Variants in VAC14 observed in about 807,000 individuals in gnomAD.
VAC14 encodes protein VAC14 homolog.
A neutral mutation model predicts 85.3 loss-of-function variants in VAC14; 47 were observed. The ratio of observed to expected loss-of-function variants is 0.55; its 90% CI spans 0.44 to 0.70. VAC14 has a LOEUF of 0.70. Ranked by LOEUF, VAC14 falls within the 30% of genes least tolerant of loss-of-function variation. VAC14 has a pLI of 0.00. For synonymous variants in VAC14, 447 were observed against 430.5 expected (o/e 1.04, Z -0.47); for missense variants, 861 against 1,004.3 (o/e 0.86, Z 1.93).
chr16:70,795,927 A>G (rs1261987539), intron 1 of VAC14, among the ~76,000 whole-genome samples: 3 of 152,194 alleles, frequency 2.0e-5, no homozygotes, highest in Non-Finnish European at 2.9e-5. Flanking sequence ...GATGCCTGGC[A>G]GAGCGAGCAC....
chr16:70,732,859 A>G (rs1009610840), intron 13 of VAC14, among the ~76,000 whole-genome samples: 2 of 151,878 alleles, frequency 1.3e-5, no homozygotes, highest in Admixed American at 1.3e-4. Flanking sequence ...ATGTTGGCCA[A>G]GCTGGTCTCG....
intron 12 of VAC14, among the ~76,000 whole-genome samples, chr16:70,753,936 C>T (rs1163223242): frequency 6.6e-6 from 1 of 152,148 alleles, no homozygotes; most frequent in African/African-American, 2.4e-5. Context: ...TCCTCCTACC[C>T]CAGAGGCCCT....
chr16:70,796,643 C>T (rs1055675839), intron 1 of VAC14, among the ~76,000 whole-genome samples: 3 of 152,158 alleles, frequency 2.0e-5, no homozygotes, highest in Non-Finnish European at 2.9e-5. Flanking sequence ...CATAGGGCAG[C>T]GATGCAAAAT....
rs369993334 is a variant in VAC14, at chr16:70,695,590, T to G, written c.1989A>C (p.Ala663=). ...GDLEVTVDFL[A]EVDKLVQLIE... ...TCAGCTGCACCAGCTTGTCCACCTC[T>G]GCGAGGAAGTCCACGGTGACCTCCA... Residue 663 remains alanine, a synonymous_variant, in exon 17 of 19, where the codon GCA becomes GCC. Coordinates refer to ENST00000261776, the MANE Select transcript of VAC14 (RefSeq NM_018052.5). 20 of 1,613,796 alleles carry G rather than the reference T, an allele frequency of 1.2e-5. No homozygotes were observed. The highest frequency in any genetic ancestry group is 1.7e-5 in the Non-Finnish European group (20 of 1,179,962).
At chr16:70,757,239 G>A (rs375860083) in intron 12 of VAC14, among the ~76,000 whole-genome samples, 33 of 152,304 alleles carry the variant, frequency 2.2e-4, no homozygotes, top group African/African-American at 5.3e-4. Flanking sequence ...TTGCCTTCTC[G>A]ATCTCAAAGG....
At chr16:70,705,345 A>G (rs2053901148) in intron 14 of VAC14, among the ~76,000 whole-genome samples, 1 of 152,256 alleles carries the variant, frequency 6.6e-6, no homozygotes, top group Non-Finnish European at 1.5e-5. Context: ...CCGAGGGCCC[A>G]GGAATGCCCT....
chr16:70,771,319 C>T (rs1045988882), intron 10 of VAC14: 12 of 152,246 alleles, frequency 7.9e-5, no homozygotes, highest in African/African-American at 2.4e-4. Context: ...GACAACAGCT[C>T]CTGGGGCCGG....
chr16:70,765,717 C>T (rs538466225), intron 10 of VAC14, among the ~76,000 whole-genome samples: 2 of 152,322 alleles, frequency 1.3e-5, no homozygotes, highest in East Asian at 1.9e-4. Context: ...ATCGCCTCCA[C>T]TGTATCCTGG....
chr16:70,787,819 C>A (rs1421918023), intron 1 of VAC14, among the ~76,000 whole-genome samples: 1 of 152,190 alleles, frequency 6.6e-6, no homozygotes, highest in Non-Finnish European at 1.5e-5. Flanking sequence ...GCGGGATGGG[C>A]TGCTGGTGGT....
At chr16:70,770,847 GTGGTACA>G in intron 10 of VAC14, 1 of 152,346 alleles carries the variant, frequency 6.6e-6, no homozygotes, top group African/African-American at 2.4e-5. Flanking sequence ...GGGACTCCTA[GTGGTACA>G]TTTCATAAAC....
intron 18 of VAC14, chr16:70,690,231 G>A: frequency 1.0e-6 from 1 of 985,468 alleles, no homozygotes; most frequent in South Asian, 4.7e-5. Context: ...CCTGGCCTGA[G>A]ATCTTGGGAG....
At chr16:70,701,042 G>C (rs2053816150) in intron 14 of VAC14, among the ~76,000 whole-genome samples, 1 of 152,186 alleles carries the variant, frequency 6.6e-6, no homozygotes. Context: ...TCCCAGAGAA[G>C]CTGGGGAATG....
chr16:70,688,266 A>G, intron 18 of VAC14, 176 bp from the exon 19 acceptor site: 1 of 1,246,896 alleles, frequency 8.0e-7, no homozygotes, highest in Non-Finnish European at 1.0e-6. Flanking sequence ...GAAGCCCCTG[A>G]GCATCCCCCT....
At chr16:70,727,049 C>T (rs935951896) in intron 14 of VAC14, among the ~76,000 whole-genome samples, 14 of 152,228 alleles carry the variant, frequency 9.2e-5, no homozygotes, top group South Asian at 4.1e-4. Flanking sequence ...CAAGAACCCC[C>T]ACCAGATGTG....
At chr16:70,721,038 G>GA (rs1287103908) in intron 14 of VAC14, among the ~76,000 whole-genome samples, 1 of 152,240 alleles carries the variant, frequency 6.6e-6, no homozygotes, top group Non-Finnish European at 1.5e-5. Context: ...TAAGCCAGGG[G>GA]AAAAACACAT....
intron 12 of VAC14, among the ~76,000 whole-genome samples, chr16:70,751,259 C>T (rs1470067377): frequency 6.6e-6 from 1 of 152,220 alleles, no homozygotes; most frequent in African/African-American, 2.4e-5. Flanking sequence ...CCAAGCTGGG[C>T]CCTCTCCAGG....
intron 13 of VAC14, among the ~76,000 whole-genome samples, chr16:70,738,227 G>C (rs2054824204): frequency 6.6e-6 from 1 of 152,182 alleles, no homozygotes; most frequent in African/African-American, 2.4e-5. Context: ...CAGGGTCTTG[G>C]GGGTGTAGAG....
intron 9 of VAC14, chr16:70,778,887 G>A (rs928742536): frequency 6.6e-6 from 1 of 152,158 alleles, no homozygotes; most frequent in Non-Finnish European, 1.5e-5. Flanking sequence ...ATATTTCAGT[G>A]AGAGGTCACA....
rs546932535 is a variant in VAC14 at position 70,712,143 on chromosome 16, C to T, written c.1662-13332G>A. 1.2e-4 allele frequency among the ~76,000 whole-genome samples: 18 copies of T among 152,120 alleles called. No individual in the cohort carries two copies. The South Asian group carries it at 1.9e-3, about 16-fold the overall frequency. ...CAGCCATTTTCAGAGAATTTTAAGA[C>T]GGATGAAATAGGCTTTTCATCCACA... On this transcript the variant is annotated intron_variant, in intron 14 of 18. Coordinates refer to ENST00000261776, the MANE Select transcript of VAC14 (RefSeq NM_018052.5).
Sources: allele counts gnomAD v4.1 joint callset (sites outside exome capture counted in the v4.1 genomes callset), GRCh38; gene constraint gnomAD v4.1.1; transcripts MANE v1.5; gene names NCBI Gene and HGNC (gene_info 2026-07-23, HGNC 2026-07-21).